The following PTPN1 variants were observed in gnomAD, a reference collection of about 807,000 sequenced individuals.
The protein encoded by PTPN1 is tyrosine-protein phosphatase non-receptor type 1.
Under a neutral mutation model 59.9 loss-of-function variants are expected in PTPN1, and 12 were observed. The ratio of observed to expected loss-of-function variants is 0.20; its 90% CI spans 0.13 to 0.32. The LOEUF is 0.32. Among genes scored for constraint, PTPN1 ranks in the 10% least tolerant of loss-of-function variants. The pLI, the probability that PTPN1 is intolerant of heterozygous loss-of-function variation, is 1.00. For synonymous variants in PTPN1, 178 were observed against 203.6 expected, an observed-to-expected ratio of 0.87 and a Z score of 1.07; for missense variants, 356 against 549.2, an observed-to-expected ratio of 0.65 and a Z score of 3.52.
rs1006731785 is a variant in PTPN1, at chr20:50,578,558, G to A, written c.631G>A (p.Val211Ile). ...GTCACTCAGCCCGGAGCACGGGCCC[G>A]TTGTGGTGCACTGCAGTGCAGGCAT... ...SGSLSPEHGP[V>I]VVHCSAGIGR... Residue 211 changes from valine to isoleucine, a missense_variant, in exon 6 of 10, where the codon GTT becomes ATT. Coordinates refer to ENST00000371621, the MANE Select transcript of PTPN1 (RefSeq NM_002827.4). 19 of 1,614,210 alleles carry A rather than the reference G, an allele frequency of 1.2e-5. No individual in the cohort carries two copies. The highest frequency in any genetic ancestry group is 2.2e-5 in the East Asian group (1 of 44,882).
intron 9 of PTPN1, 65 bp downstream of exon 9, chr20:50,581,525 C>A: frequency 6.7e-7 from 1 of 1,499,586 alleles, no homozygotes; most frequent in East Asian, 2.4e-5. Context: ...GCCGCTAGCC[C>A]GATGGTAGGA....
intron 1 of PTPN1, among the ~76,000 whole-genome samples, chr20:50,552,704 T>A (rs1395499379): frequency 4.6e-5 from 6 of 131,732 alleles, no homozygotes; most frequent in South Asian, 2.5e-4. Context: ...TTTTTTTTTT[T>A]AACTAGCCAG....
At chr20:50,529,155 C>G (rs369205552) in intron 1 of PTPN1, among the ~76,000 whole-genome samples, 1 of 152,194 alleles carries the variant, frequency 6.6e-6, no homozygotes, top group South Asian at 2.1e-4. Context: ...ATGCCCTGCA[C>G]AGACCATGCC....
At chr20:50,551,344 A>G (rs1031932362) in intron 1 of PTPN1, among the ~76,000 whole-genome samples, 7 of 152,226 alleles carry the variant, frequency 4.6e-5, no homozygotes, top group Non-Finnish European at 8.8e-5. Flanking sequence ...AACTTGATCA[A>G]GTGCTTGTGA....
intron 1 of PTPN1, among the ~76,000 whole-genome samples, chr20:50,534,151 C>T (rs2082613762): frequency 6.6e-6 from 1 of 152,166 alleles, no homozygotes; most frequent in South Asian, 2.1e-4. Context: ...GTTTCGAACT[C>T]CTGACCTCAA....
intron 5 of PTPN1, among the ~76,000 whole-genome samples, chr20:50,576,033 C>T (rs1226950599): frequency 1.3e-5 from 2 of 152,186 alleles, no homozygotes; most frequent in Non-Finnish European, 2.9e-5. Flanking sequence ...AGGATGGTAG[C>T]AGTGCAGCTG....
intron 1 of PTPN1, among the ~76,000 whole-genome samples, chr20:50,513,012 A>C (rs2082513854): frequency 6.6e-6 from 1 of 152,216 alleles, no homozygotes; most frequent in African/African-American, 2.4e-5. Flanking sequence ...AGTTATTCTA[A>C]CTTATTTTCT....
Position 50,585,118 on chromosome 20 carries a change from G to A in PTPN1, c.*2403G>A, listed in dbSNP as rs1411445862. ...ATATCCCTTACCCAATTACCTGTAA[G>A]ACACAATGGTTACCACATCTCAGTA... On this transcript the variant is annotated 3_prime_UTR_variant, in exon 10 of 10. Coordinates refer to ENST00000371621, the MANE Select transcript of PTPN1 (RefSeq NM_002827.4). The A allele has an allele frequency of 6.6e-6, 1 of 152,164 alleles. No individual in the cohort carries two copies. The highest frequency in any genetic ancestry group is 1.5e-5 in the Non-Finnish European group (1 of 68,032). 9.4% of individuals were successfully genotyped at this position (152,164 alleles called of 1,614,324 possible). A position where few individuals can be genotyped will look rare whatever the true frequency, so the allele number is the denominator to read the frequency against.
At chr20:50,512,875 A>T (rs920313805) in intron 1 of PTPN1, among the ~76,000 whole-genome samples, 1 of 152,218 alleles carries the variant, frequency 6.6e-6, no homozygotes, top group Non-Finnish European at 1.5e-5. Context: ...ATGGAAGTTT[A>T]AAAAAATTAA....
rs1231996455 is a variant in PTPN1, at chr20:50,549,944, C to T, written c.64-11419C>T. ...TTGAACCTCTGATGATTTGTATATTCCTCGGAGTATACTTTGTTACATAGA... is the reference window on the plus strand; with the variant it reads ...TTGAACCTCTGATGATTTGTATATTTCTCGGAGTATACTTTGTTACATAGA... On this transcript the variant is annotated intron_variant, in intron 1 of 9. Transcript: ENST00000371621. Among the ~76,000 whole-genome samples, 7 of 152,024 alleles carry T rather than the reference C, an allele frequency of 4.6e-5. No homozygotes were observed. The South Asian group carries it at 1.5e-3, about 32-fold the overall frequency.
At chr20:50,531,902 C>A (rs1010798433) in intron 1 of PTPN1, among the ~76,000 whole-genome samples, 1 of 152,226 alleles carries the variant, frequency 6.6e-6, no homozygotes, top group African/African-American at 2.4e-5. Context: ...GATCTTAGGG[C>A]TACTTCCCTA....
intron 1 of PTPN1, among the ~76,000 whole-genome samples, chr20:50,553,552 G>A (rs2082712771): frequency 6.6e-6 from 1 of 152,142 alleles, no homozygotes; most frequent in Admixed American, 6.5e-5. Context: ...CGGCCAGAAC[G>A]GAGAGAGACA....
intron 4 of PTPN1, among the ~76,000 whole-genome samples, chr20:50,570,811 C>T (rs2082804563): frequency 6.6e-6 from 1 of 152,218 alleles, no homozygotes; most frequent in South Asian, 2.1e-4. Context: ...GTAGCACCCC[C>T]TCCCCAGATG....
At chr20:50,527,347 A>AT (rs145100433) in intron 1 of PTPN1, among the ~76,000 whole-genome samples, 4,483 of 146,314 alleles carry the variant, frequency 0.031, 93 homozygotes, top group East Asian at 0.11. Flanking sequence ...CACTGAAATA[A>AT]TTTTTTTTTT....
At chr20:50,532,105 A>G (rs2082604036) in intron 1 of PTPN1, among the ~76,000 whole-genome samples, 1 of 152,240 alleles carries the variant, frequency 6.6e-6, no homozygotes, top group African/African-American at 2.4e-5. Context: ...TACCAATGCC[A>G]GTTGAAGAGG....
chr20:50,563,180 A>G (rs941290374), intron 2 of PTPN1: 9 of 150,234 alleles, frequency 6.0e-5, no homozygotes, highest in Admixed American at 4.6e-4. Flanking sequence ...CACTCCTCTT[A>G]TCTTCCTCCC....
chr20:50,558,032 G>A (rs577166069), intron 1 of PTPN1: 1 of 152,246 alleles, frequency 6.6e-6, no homozygotes, highest in East Asian at 1.9e-4. Flanking sequence ...GTGGGGTTTT[G>A]CCATGTTGTC....
chr20:50,521,352 T>G (rs2082549987), intron 1 of PTPN1, among the ~76,000 whole-genome samples: 1 of 152,272 alleles, frequency 6.6e-6, no homozygotes, highest in Non-Finnish European at 1.5e-5. Context: ...AATTCTGTGT[T>G]GTGCCTCAGG....
At chr20:50,555,932 A>G (rs2082724200) in intron 1 of PTPN1, among the ~76,000 whole-genome samples, 1 of 152,050 alleles carries the variant, frequency 6.6e-6, no homozygotes, top group Admixed American at 6.6e-5. Context: ...GACTGACCAG[A>G]TTGTTTTTCA....
Sources: allele counts gnomAD v4.1 joint callset (sites outside exome capture counted in the v4.1 genomes callset), GRCh38; gene constraint gnomAD v4.1.1; transcripts MANE v1.5; gene names NCBI Gene and HGNC (gene_info 2026-07-23, HGNC 2026-07-21).